The following ZNF407 variants were observed in gnomAD, a reference collection of about 807,000 sequenced individuals.
The protein encoded by ZNF407 is zinc finger protein 407.
A neutral mutation model predicts 131.2 loss-of-function variants in ZNF407; 17 were observed. That is an observed-to-expected ratio of 0.13 (90% confidence interval 0.09 to 0.19). The LOEUF (loss-of-function observed/expected upper bound fraction) is 0.19. Ranked by LOEUF, ZNF407 falls within the 10% of genes least tolerant of loss-of-function variation. The probability of loss-of-function intolerance (pLI) is 1.00; values close to 1 mark genes in which losing one functional copy is unlikely to be tolerated. For missense variants in ZNF407, 2,681 were observed against 2,830.6 expected, an observed-to-expected ratio of 0.95 and a Z score of 1.20; for synonymous variants, 1,156 against 1,062.0, an observed-to-expected ratio of 1.09 and a Z score of -1.72.
chr18:75,032,691 TG>T (rs1234285105), intron 8 of ZNF407, among the ~76,000 whole-genome samples: 1 of 150,414 alleles, frequency 6.6e-6, no homozygotes, highest in Non-Finnish European at 1.5e-5. Context: ...CTGCTCAGAA[TG>T]GGGGGAAGAT....
intron 4 of ZNF407, among the ~76,000 whole-genome samples, chr18:74,834,418 T>C (rs1324064140): frequency 1.3e-5 from 2 of 152,214 alleles, no homozygotes; most frequent in African/African-American, 4.8e-5. Context: ...ACTTGGCCAC[T>C]CTCCTTAGAA....
In ZNF407 at chr18:75,048,715, A is replaced by C. The variant is rs1022816533; in HGVS notation, c.5429-14435A>C. Among the ~76,000 whole-genome samples, 2 of 152,252 alleles carry C rather than the reference A, an allele frequency of 1.3e-5. No individual in the cohort carries two copies. Among genetic ancestry groups the C allele is most frequent in the Non-Finnish European group, 2.9e-5 (2 of 68,044 alleles). Reference sequence around the variant, plus strand: ...TCATCAACTTTATAACTATGTTTAAAATGTTTGTTTTGTTTTAGAATGACA... The same window carrying C: ...TCATCAACTTTATAACTATGTTTAACATGTTTGTTTTGTTTTAGAATGACA... On this transcript the variant is annotated intron_variant, in intron 8 of 8. Transcript: ENST00000299687. This position sits in a 1 kb window ranked among gnomAD's most constrained non-coding sequence, Gnocchi z 4.1.
rs371798787 is a variant in ZNF407 at position 74,661,680 on chromosome 18, A to G, written c.4802+20558A>G. On this transcript the variant is annotated intron_variant, in intron 3 of 8. Coordinates refer to ENST00000299687, the MANE Select transcript of ZNF407 (RefSeq NM_017757.3). Reference sequence around the variant, plus strand: ...TAATTTGAAAAGATGAGATTATTCTATAGTTTCTTTGTCACCTGCCTCCAT... The same window carrying G: ...TAATTTGAAAAGATGAGATTATTCTGTAGTTTCTTTGTCACCTGCCTCCAT... Among the ~76,000 whole-genome samples, 24 of 152,282 alleles carry G rather than the reference A, an allele frequency of 1.6e-4. No individual in the cohort carries two copies. In the South Asian group the frequency reaches 4.8e-3, roughly 30 times the overall value.
chr18:74,808,609 G>T (rs1404769578), intron 4 of ZNF407, among the ~76,000 whole-genome samples: 8 of 152,316 alleles, frequency 5.3e-5, no homozygotes, highest in African/African-American at 1.9e-4. Context: ...TACTATAATT[G>T]TGGGGCTTAC....
At position 74,890,031 on chromosome 18, in the gene ZNF407, G is replaced by C. The variant is rs761843050; in HGVS notation, c.5242G>C (p.Asp1748His). 6.3e-7 allele frequency: 1 copy of C among 1,586,122 alleles called. No homozygotes were observed. Among genetic ancestry groups the C allele is most frequent in the Admixed American group, 1.8e-5 (1 of 54,788 alleles). Reference sequence around the variant, plus strand: ...AAAGCCCTACAGATGCCCCTGGTGTGACTACAGGTAATGACTCATCACTGA... The same window carrying C: ...AAAGCCCTACAGATGCCCCTGGTGTCACTACAGGTAATGACTCATCACTGA... Reference protein sequence around the residue: ...GEKPYRCPWCDYRSNCAENIR... With the variant: ...GEKPYRCPWCHYRSNCAENIR... Residue 1748 changes from aspartate to histidine, a missense_variant, in exon 7 of 9, where the codon GAC (aspartate) becomes CAC (histidine). Physicochemically the swap from Asp to His is moderately conservative, Grantham distance 81 (BLOSUM62 -1). Coordinates refer to ENST00000299687, the MANE Select transcript of ZNF407 (RefSeq NM_017757.3).
At chr18:74,867,479 A>T (rs72977458) in intron 4 of ZNF407, among the ~76,000 whole-genome samples, 105 of 152,240 alleles carry the variant, frequency 6.9e-4, no homozygotes, top group Non-Finnish European at 1.3e-3. Context: ...TGACTCGAAT[A>T]CATACCAGGA....
chr18:75,050,523 G>A (rs567504698), intron 8 of ZNF407, among the ~76,000 whole-genome samples: 1 of 152,298 alleles, frequency 6.6e-6, no homozygotes, highest in South Asian at 2.1e-4. Flanking sequence ...AGTTTCCTGA[G>A]TCCAAACTCC....
At chr18:75,030,156 A>G (rs1973223057) in intron 8 of ZNF407, among the ~76,000 whole-genome samples, 1 of 152,180 alleles carries the variant, frequency 6.6e-6, no homozygotes, top group Non-Finnish European at 1.5e-5. Flanking sequence ...AAACATGATC[A>G]TACCAAGTTT....
chr18:74,773,721 T>TG (rs1969409787), intron 3 of ZNF407, among the ~76,000 whole-genome samples: 1 of 152,240 alleles, frequency 6.6e-6, no homozygotes, highest in South Asian at 2.1e-4. Context: ...TACTGATTGT[T>TG]GCAGTGAGCA....
chr18:74,797,960 G>C (rs1969951528), intron 4 of ZNF407, among the ~76,000 whole-genome samples: 2 of 152,090 alleles, frequency 1.3e-5, no homozygotes, highest in African/African-American at 4.8e-5. Context: ...ACCAGCAGGA[G>C]GGATCAAGGT....
At chr18:74,833,604 G>A (rs904641117) in intron 4 of ZNF407, among the ~76,000 whole-genome samples, 2 of 152,232 alleles carry the variant, frequency 1.3e-5, no homozygotes, top group Non-Finnish European at 2.9e-5. Context: ...GCGCGAGGGG[G>A]ACAGGAAGGT....
intron 3 of ZNF407, among the ~76,000 whole-genome samples, chr18:74,718,468 G>A (rs1339443733): frequency 6.6e-6 from 1 of 152,000 alleles, no homozygotes; most frequent in Non-Finnish European, 1.5e-5. Flanking sequence ...AGGTTGCAGT[G>A]AGCTGTGATC....
At chr18:74,721,995 G>A (rs1160610029) in intron 3 of ZNF407, among the ~76,000 whole-genome samples, 3 of 151,386 alleles carry the variant, frequency 2.0e-5, no homozygotes, top group African/African-American at 7.3e-5. Context: ...TATATGGTAT[G>A]AAGTTAGCTG....
intron 3 of ZNF407, among the ~76,000 whole-genome samples, chr18:74,773,601 G>A (rs1406750849): frequency 1.3e-5 from 2 of 152,214 alleles, no homozygotes; most frequent in Non-Finnish European, 2.9e-5. Flanking sequence ...GCGAATAATT[G>A]TTTGAATAGA....
intron 3 of ZNF407, among the ~76,000 whole-genome samples, chr18:74,644,069 A>G (rs1218179748): frequency 6.6e-6 from 1 of 151,902 alleles, no homozygotes; most frequent in African/African-American, 2.4e-5. Context: ...TGCTCATGTC[A>G]TGGTAAAAAT....
chr18:74,762,673 A>G (rs1285504490), intron 3 of ZNF407, among the ~76,000 whole-genome samples: 3 of 151,750 alleles, frequency 2.0e-5, no homozygotes, highest in Non-Finnish European at 2.9e-5. Context: ...GAATGGAATG[A>G]TATAGTTTGG....
intron 7 of ZNF407, among the ~76,000 whole-genome samples, chr18:74,919,142 C>T (rs1971812562): frequency 6.6e-6 from 1 of 152,124 alleles, no homozygotes; most frequent in South Asian, 2.1e-4. Context: ...AATTCTGCCT[C>T]GCTTGGACGA....
intron 1 of ZNF407, among the ~76,000 whole-genome samples, chr18:74,601,728 A>T (rs1982593810): frequency 6.6e-6 from 1 of 152,046 alleles, no homozygotes; most frequent in Admixed American, 6.6e-5. Context: ...CCATCTCAGG[A>T]CAGCACCAAG....
In ZNF407 at chr18:74,632,099, G is replaced by C; in HGVS notation, c.1080G>C (p.Glu360Asp). The C allele has an allele frequency of 6.2e-7, 1 of 1,613,958 alleles. No individual in the cohort carries two copies. The highest frequency in any genetic ancestry group is 8.5e-7 in the Non-Finnish European group (1 of 1,179,876). Residue 360 changes from glutamate (E) to aspartate (D), a missense_variant, in exon 2 of 9, where the codon GAG becomes GAC. Coordinates refer to ENST00000299687, the MANE Select transcript of ZNF407 (RefSeq NM_017757.3). Reference protein sequence around the residue: ...PSRNTLSQEVEIVEEHVTSLG... With the variant: ...PSRNTLSQEVDIVEEHVTSLG... ...GAAATACTTTGTCACAGGAAGTAGA[G>C]ATTGTTGAAGAACATGTTACTTCCC...
Sources: allele counts gnomAD v4.1 joint callset (sites outside exome capture counted in the v4.1 genomes callset), GRCh38; gene constraint gnomAD v4.1.1; non-coding constraint Gnocchi (gnomAD v3.1); transcripts MANE v1.5; gene names NCBI Gene and HGNC (gene_info 2026-07-23, HGNC 2026-07-21).